The following PLAC8 variants were observed in gnomAD, a reference collection of about 807,000 sequenced individuals.
PLAC8 encodes placenta-specific gene 8 protein.
PLAC8 carries 6 observed loss-of-function variants against 12.6 expected under a neutral mutation model. That is an observed-to-expected ratio of 0.48 (90% CI 0.26 to 0.94). The LOEUF (loss-of-function observed/expected upper bound fraction) is 0.94, where lower values mean the gene tolerates loss of function less well. PLAC8 is among the 40% of genes least tolerant of loss of function. The pLI is 0.14. For synonymous variants in PLAC8, 54 were observed against 52.6 expected (o/e 1.03, Z -0.11); for missense variants, 122 against 152.7 (o/e 0.80, Z 1.06).
chr4:83,097,978 C>A (rs1292586503), intron 3 of PLAC8, among the ~76,000 whole-genome samples: 3 of 151,188 alleles, frequency 2.0e-5, no homozygotes, highest in Non-Finnish European at 2.9e-5. Context: ...CCTATCATAG[C>A]CTCCCGAGTA....
chr4:83,114,702 T>C lies in PLAC8; in HGVS notation c.-66A>G, dbSNP rs1236041033. ...AAGGTTCCGAGCAGGAAATGTCTTG[T>C]GGCCTGGGAGAGAATCTCACCACAA... On this transcript the variant is annotated 5_prime_UTR_variant, in exon 1 of 5. Coordinates refer to ENST00000311507, the MANE Select transcript of PLAC8 (RefSeq NM_016619.3). 2 of 152,170 alleles carry C rather than the reference T, an allele frequency of 1.3e-5. No homozygotes were observed. Among genetic ancestry groups the C allele is most frequent in the African/African-American group, 4.8e-5 (2 of 41,436 alleles). 9.4% of individuals were successfully genotyped at this position (152,170 alleles called of 1,614,324 possible).
At chr4:83,102,418 A>G (rs1732120583) in intron 3 of PLAC8, among the ~76,000 whole-genome samples, 1 of 152,214 alleles carries the variant, frequency 6.6e-6, no homozygotes, top group Admixed American at 6.5e-5. Context: ...GCACATCTAT[A>G]GCCCCAGGTA....
At chr4:83,095,193 A>G (rs1165275786) in intron 3 of PLAC8, among the ~76,000 whole-genome samples, 1 of 152,200 alleles carries the variant, frequency 6.6e-6, no homozygotes, top group Non-Finnish European at 1.5e-5. Context: ...GAGAGAAGCT[A>G]ATGGAATCTC....
In PLAC8 at chr4:83,107,851, G is replaced by C; in HGVS notation, c.71C>G (p.Ser24Cys). 6.2e-7 allele frequency: 1 copy of C among 1,609,422 alleles called. No homozygotes were observed. The highest frequency in any genetic ancestry group is 8.5e-7 in the Non-Finnish European group (1 of 1,177,392). ...GVGPGPAPQN[S>C]NWQTGMCDCF... is the part of the protein sequence containing the mutation. Reference sequence around the variant, plus strand: ...GTCACACATGCCTGTCTGCCAGTTGGAGTTCTGGGGGGCCGGACCGGGACC... The same window carrying C: ...GTCACACATGCCTGTCTGCCAGTTGCAGTTCTGGGGGGCCGGACCGGGACC... The change falls in exon 2 of 5, where the codon TCC becomes TGC. Residue 24 changes from serine to cysteine, a missense_variant. Transcript: ENST00000311507.
intron 3 of PLAC8, among the ~76,000 whole-genome samples, chr4:83,100,565 G>A (rs998360363): frequency 1.1e-4 from 16 of 151,190 alleles, no homozygotes; most frequent in South Asian, 2.1e-4. Flanking sequence ...ATGCGAGAAC[G>A]GACTAATACC....
At chr4:83,113,395 A>G (rs1732468437) in intron 1 of PLAC8, among the ~76,000 whole-genome samples, 1 of 152,202 alleles carries the variant, frequency 6.6e-6, no homozygotes, top group African/African-American at 2.4e-5. Flanking sequence ...ACAAGATTCT[A>G]ATGCCAGTGG....
Position 83,105,384 on chromosome 4 carries a change from C to T in PLAC8, c.119-364G>A, listed in dbSNP as rs184582605. Among the ~76,000 whole-genome samples the T allele has an allele frequency of 9.5e-4, 144 of 152,288 alleles. 1 individual carries two copies. Among genetic ancestry groups the T allele is most frequent in the African/African-American group, 3.2e-3 (135 of 41,560 alleles). On this transcript the variant is annotated intron_variant, in intron 2 of 4. Coordinates refer to ENST00000311507, the MANE Select transcript of PLAC8 (RefSeq NM_016619.3). The stretch of plus-strand genomic sequence containing the variant: ...CATAGGGAAAGTTCTCCAACAGAAA[C>T]GTGTTTGAAATACCAACAGGTCACC...
rs895328858 is a variant in PLAC8, at chr4:83,094,875, G to A, written c.244-84C>T. On this transcript the variant is annotated intron_variant, in intron 3 of 4. Transcript: ENST00000311507. ...TGCCACATCTTGAAGAGAAGCAGAA[G>A]GCACTGATCTTTCAGATTCAGAGTT... The A allele has an allele frequency of 4.5e-6, 3 of 671,244 alleles. No homozygotes were observed. In the African/African-American group the frequency reaches 5.7e-5, roughly 13 times the overall value. The allele number at this position is 671,244 out of a possible 1,614,324, so 41.6% of individuals were successfully genotyped here.
At chr4:83,092,830 T>C (rs1431430536) in intron 4 of PLAC8, 1 of 145,822 alleles carries the variant, frequency 6.9e-6, no homozygotes, top group Non-Finnish European at 1.5e-5. Flanking sequence ...TTTTTTTTTT[T>C]TTTGAGACAG....
At chr4:83,095,235 A>C (rs1731898416) in intron 3 of PLAC8, among the ~76,000 whole-genome samples, 2 of 152,198 alleles carry the variant, frequency 1.3e-5, no homozygotes, top group South Asian at 4.1e-4. Context: ...TCCCAGGATG[A>C]GAGCTAAGCA....
At chr4:83,103,593 G>A (rs964221368) in intron 3 of PLAC8, among the ~76,000 whole-genome samples, 4 of 152,174 alleles carry the variant, frequency 2.6e-5, no homozygotes, top group Non-Finnish European at 4.4e-5. Flanking sequence ...CTACCAAATA[G>A]CATAGAAATC....
At chr4:83,098,055 C>T (rs552405681) in intron 3 of PLAC8, among the ~76,000 whole-genome samples, 7 of 152,154 alleles carry the variant, frequency 4.6e-5, no homozygotes, top group African/African-American at 1.7e-4. Context: ...GATGGGGTTT[C>T]ACCATGTTGG....
intron 3 of PLAC8, among the ~76,000 whole-genome samples, chr4:83,097,860 GTTT>G (rs70946968): frequency 1.5e-5 from 2 of 131,124 alleles, no homozygotes; most frequent in Admixed American, 8.1e-5. Context: ...AGTTTTGAGG[GTTT>G]TTTTTTTTTT....
chr4:83,097,106 C>T lies in PLAC8; in HGVS notation c.244-2315G>A, dbSNP rs111680301. Among the ~76,000 whole-genome samples, 1,347 of 152,212 alleles carry T rather than the reference C, an allele frequency of 8.8e-3. 24 individuals are homozygous for T. Among genetic ancestry groups the T allele is most frequent in the African/African-American group, 0.03 (1,262 of 41,526 alleles). ...TTTGCTACTTATTTGGTCCTAGAAA[C>T]GCATGCTGTCCCAGCTCTATTCCTC... is the stretch of plus-strand genomic sequence containing the variant. On this transcript the variant is annotated intron_variant, in intron 3 of 4. Transcript: ENST00000311507.
In PLAC8 at chr4:83,106,290, C is replaced by T. The variant is rs192832687; in HGVS notation, c.119-1270G>A. Among the ~76,000 whole-genome samples, 182 of 152,020 alleles carry T rather than the reference C, an allele frequency of 1.2e-3. 1 individual carries two copies. Among genetic ancestry groups the T allele is most frequent in the African/African-American group, 3.7e-3 (154 of 41,510 alleles). On this transcript the variant is annotated intron_variant, in intron 2 of 4. Transcript: ENST00000311507. ...CTGGGATTACAGGTGTGAGCCACCA[C>T]GCCCAGCCTGATTGTAATTCTTATC... is the stretch of plus-strand genomic sequence containing the variant.
At position 83,107,620 on chromosome 4, in the gene PLAC8, C is replaced by CTTTTTTTTTTTTTTTT. The variant is rs70946974; in HGVS notation, c.118+168_118+183dup. Among the ~76,000 whole-genome samples, 12 of 13,856 alleles carry CTTTTTTTTTTTTTTTT rather than the reference C, an allele frequency of 8.7e-4. 6 individuals are homozygous for CTTTTTTTTTTTTTTTT. The highest frequency in any genetic ancestry group is 0.01 in the East Asian group (2 of 194). 9.1% of individuals were successfully genotyped at this position (13,856 alleles called of 152,430 possible). ...GAAAATTAAGTTATCCATACGGAGG[C>CTTTTTTTTTTTTTTTT]TTTTTTTTTTTTTTTTTTTTTTTTT... On this transcript the variant is annotated intron_variant, in intron 2 of 4. Coordinates refer to ENST00000311507, the MANE Select transcript of PLAC8 (RefSeq NM_016619.3).
In PLAC8 at chr4:83,107,821, A is replaced by T; in HGVS notation, c.101T>A (p.Phe34Tyr). The change falls in exon 2 of 5, where the codon TTC becomes TAC. Residue 34 changes from phenylalanine to tyrosine, a missense_variant. Transcript: ENST00000311507. Reference sequence around the variant, plus strand: ...ACACTTACAGACTCCGCAGTCGCTGAAACAGTCACACATGCCTGTCTGCCA... The same window carrying T: ...ACACTTACAGACTCCGCAGTCGCTGTAACAGTCACACATGCCTGTCTGCCA... The part of the protein sequence containing the change: ...SNWQTGMCDC[F>Y]SDCGVCLCGT... 6.2e-7 allele frequency: 1 copy of T among 1,606,454 alleles called. No homozygotes were observed. The highest frequency in any genetic ancestry group is 8.5e-7 in the Non-Finnish European group (1 of 1,175,244).
At chr4:83,111,777 G>A (rs966190443) in intron 1 of PLAC8, among the ~76,000 whole-genome samples, 2 of 152,180 alleles carry the variant, frequency 1.3e-5, no homozygotes, top group African/African-American at 4.8e-5. Flanking sequence ...TTTACTTAGT[G>A]TATGGCATAT....
chr4:83,094,591 T>C, intron 4 of PLAC8, 87 bp downstream of exon 4: 2 of 710,998 alleles, frequency 2.8e-6, no homozygotes, highest in Non-Finnish European at 2.4e-6. Context: ...ATTGCTGAAT[T>C]ATTCAAAACA....
Sources: gnomAD v4.1 joint callset for allele counts (sites outside exome capture counted in the v4.1 genomes callset) on GRCh38, gnomAD v4.1.1 for gene constraint, MANE v1.5 for transcripts, NCBI Gene and HGNC (gene_info 2026-07-23, HGNC 2026-07-21) for gene names.